The following DENR variants were observed in gnomAD, a reference collection of about 807,000 sequenced individuals.
DENR encodes density regulated re-initiation and release factor, also known as density-regulated protein.
DENR carries 6 observed loss-of-function variants against 30.6 expected under a neutral mutation model. That is an observed-to-expected ratio of 0.20 (90% CI 0.11 to 0.39). The LOEUF is 0.39. Ranked by LOEUF, DENR falls within the 10% of genes least tolerant of loss-of-function variation. DENR has a pLI of 1.00. For missense variants in DENR, 141 were observed against 230.9 expected, an observed-to-expected ratio of 0.61 and a Z score of 2.52; for synonymous variants, 78 against 72.1, an observed-to-expected ratio of 1.08 and a Z score of -0.41.
At chr12:122,753,851 T>G (rs373035127) in intron 2 of DENR, 44 bp downstream of exon 2, 3 of 1,420,116 alleles carry the variant, frequency 2.1e-6, no homozygotes, top group Non-Finnish European at 2.0e-6. Context: ...CACTATACTT[T>G]TATGCATTGT....
chr12:122,760,162 G>A (rs1273191280), intron 2 of DENR, among the ~76,000 whole-genome samples: 1 of 152,192 alleles, frequency 6.6e-6, no homozygotes, highest in Admixed American at 6.5e-5. Context: ...AATAGCATGA[G>A]CGTCAGAAAC....
In DENR at chr12:122,769,593, G is replaced by A. The variant is rs1227241508; in HGVS notation, c.*515G>A. The A allele has an allele frequency of 5.6e-6, 3 of 532,928 alleles. No homozygotes were observed. The highest frequency in any genetic ancestry group is 5.0e-6 in the Non-Finnish European group (2 of 403,766). The allele number at this position is 532,928 out of a possible 1,614,324, so 33.0% of individuals were successfully genotyped here. On this transcript the variant is annotated 3_prime_UTR_variant, in exon 8 of 8. Transcript: ENST00000280557. ...GCGATCTCGGCTCACTGCAACCTCCGCCTCCCGGGTTCAAGTGATTCTCCT... is the reference window on the plus strand; with the variant it reads ...GCGATCTCGGCTCACTGCAACCTCCACCTCCCGGGTTCAAGTGATTCTCCT...
chr12:122,761,992 A>G (rs1878712754), intron 2 of DENR, among the ~76,000 whole-genome samples, 195 bp from the exon 3 acceptor site: 1 of 152,212 alleles, frequency 6.6e-6, no homozygotes, highest in Non-Finnish European at 1.5e-5. Context: ...AAGTCAAGAT[A>G]GTATCATCTC....
At chr12:122,765,085 A>G (rs535664986) in intron 4 of DENR, among the ~76,000 whole-genome samples, 1 of 152,298 alleles carries the variant, frequency 6.6e-6, no homozygotes, top group East Asian at 1.9e-4. Context: ...TCACATATCA[A>G]AAGACTGGGT....
intron 6 of DENR, 50 bp from the exon 7 acceptor site, chr12:122,768,732 T>G: frequency 9.6e-6 from 14 of 1,460,954 alleles, no homozygotes; most frequent in Non-Finnish European, 1.3e-5. Flanking sequence ...AAAAACATCT[T>G]TGCACAATTC....
In DENR at chr12:122,753,814, G is replaced by A. The variant is rs551308733; in HGVS notation, c.106+7G>A. 22 of 1,604,752 alleles carry A rather than the reference G, an allele frequency of 1.4e-5. 1 individual carries two copies. In the South Asian group the frequency reaches 2.4e-4, roughly 18 times the overall value. On this transcript the variant is annotated splice_region_variant and intron_variant, in intron 2 of 7. Coordinates refer to ENST00000280557, the MANE Select transcript of DENR (RefSeq NM_003677.5). Reference sequence around the variant, plus strand: ...CGAGTCCTTTATTGTGGAGGCAAGTGTTGGTAGCCACAGAATGACTTTTAC... The same window carrying A: ...CGAGTCCTTTATTGTGGAGGCAAGTATTGGTAGCCACAGAATGACTTTTAC...
At chr12:122,753,545 T>C in intron 1 of DENR, 148 bp from the exon 2 acceptor site, 1 of 647,488 alleles carries the variant, frequency 1.5e-6, no homozygotes, top group Non-Finnish European at 2.8e-6. Flanking sequence ...ATTGCTCATA[T>C]TTTATGAATC....
intron 2 of DENR, 50 bp downstream of exon 2, chr12:122,753,857 A>G (rs1294658735): frequency 2.2e-6 from 3 of 1,380,530 alleles, no homozygotes; most frequent in Non-Finnish European, 3.1e-6. Flanking sequence ...ACTTTTATGC[A>G]TTGTAATAAC....
intron 2 of DENR, among the ~76,000 whole-genome samples, chr12:122,757,037 A>G (rs996902148): frequency 2.0e-5 from 3 of 152,322 alleles, no homozygotes; most frequent in African/African-American, 7.2e-5. Context: ...AACTGGATGT[A>G]GTTTTGACAG....
intron 2 of DENR, among the ~76,000 whole-genome samples, chr12:122,756,014 A>G (rs1228107185): frequency 6.6e-6 from 1 of 152,226 alleles, no homozygotes; most frequent in Non-Finnish European, 1.5e-5. Context: ...TCAACAATTT[A>G]CAAAGACTAT....
rs555332567 is a variant in DENR, at chr12:122,754,208, G to C, written c.106+401G>C. The stretch of plus-strand genomic sequence containing the variant: ...CTATGTAAGAAAAAGCTTGATGGCT[G>C]TCTGTGAAGAAGTGAGCAGCTTTGA... On this transcript the variant is annotated intron_variant, in intron 2 of 7. Coordinates refer to ENST00000280557, the MANE Select transcript of DENR (RefSeq NM_003677.5). 66 of 235,996 alleles carry C rather than the reference G, an allele frequency of 2.8e-4. No individual in the cohort carries two copies. In the South Asian group the frequency reaches 3.7e-3, roughly 13 times the overall value. 14.6% of individuals were successfully genotyped at this position (235,996 alleles called of 1,614,324 possible).
At chr12:122,766,164 T>C (rs1263929670) in intron 5 of DENR, among the ~76,000 whole-genome samples, 1 of 152,236 alleles carries the variant, frequency 6.6e-6, no homozygotes, top group African/African-American at 2.4e-5. Flanking sequence ...TTCTGTTCTG[T>C]GGTACACTGT....
chr12:122,765,431 A>T (rs1243189059), intron 5 of DENR, 44 bp downstream of exon 5: 1 of 1,466,378 alleles, frequency 6.8e-7, no homozygotes, highest in South Asian at 1.3e-5. Context: ...TCATACCGTC[A>T]CTGCGATAGA....
chr12:122,768,537 G>A (rs1878909352), intron 6 of DENR, among the ~76,000 whole-genome samples: 2 of 152,022 alleles, frequency 1.3e-5, no homozygotes, highest in Non-Finnish European at 2.9e-5. Flanking sequence ...ATTTATTTTG[G>A]TCTTAATATG....
Position 122,753,781 on chromosome 12 carries a change from A to C in DENR, c.80A>C (p.Tyr27Ser). The C allele has an allele frequency of 6.2e-7, 1 of 1,613,924 alleles. No individual in the cohort carries two copies. Among genetic ancestry groups the C allele is most frequent in the Non-Finnish European group, 8.5e-7 (1 of 1,179,854 alleles). Residue 27 changes from tyrosine to serine, a missense_variant, in exon 2 of 8, where the codon TAC becomes TCC. By Grantham distance (144) the Tyr-to-Ser change is moderately radical. Coordinates refer to ENST00000280557, the MANE Select transcript of DENR (RefSeq NM_003677.5). ...PRNSAKLDAD[Y>S]PLRVLYCGVC... ...AACAGTGCCAAGTTAGATGCCGATTACCCACTTCGAGTCCTTTATTGTGGA... is the reference window on the plus strand; with the variant it reads ...AACAGTGCCAAGTTAGATGCCGATTCCCCACTTCGAGTCCTTTATTGTGGA...
At chr12:122,761,108 G>T (rs140998414) in intron 2 of DENR, among the ~76,000 whole-genome samples, 33 of 152,092 alleles carry the variant, frequency 2.2e-4, no homozygotes, top group Admixed American at 1.5e-3. Flanking sequence ...GTGAGAGTGA[G>T]ACCCTTACTC....
chr12:122,754,133 C>T, intron 2 of DENR: 1 of 330,100 alleles, frequency 3.0e-6, no homozygotes, highest in Non-Finnish European at 5.9e-6. Context: ...TTAAGGATGG[C>T]AAGGACTGGA....
chr12:122,762,859 G>A lies in DENR; in HGVS notation c.141G>A (p.Met47Ile), dbSNP rs1262880952. The stretch of plus-strand genomic sequence containing the variant: ...TTTTCTCCTAGTACTGTGAATATAT[G>A]CCTGATGTTGCTAAATGTAGACAAT... ...CSLPTEYCEY[M>I]PDVAKCRQWL... is the part of the protein sequence containing the mutation. The change falls in exon 4 of 8, where the codon ATG becomes ATA. Residue 47 changes from methionine to isoleucine, a missense_variant. Around this residue, in one of 2 missense-constraint regions of DENR, gnomAD observed 104 missense variants for 138.3 expected, o/e 0.75. Transcript: ENST00000280557. 4.5e-6 allele frequency: 7 copies of A among 1,543,526 alleles called. 1 individual carries two copies. Among genetic ancestry groups the A allele is most frequent in the Middle Eastern group, 3.5e-4 (2 of 5,642 alleles).
chr12:122,765,255 A>G (rs1878817173), intron 4 of DENR, 49 bp from the exon 5 acceptor site: 1 of 1,431,668 alleles, frequency 7.0e-7, no homozygotes, highest in Non-Finnish European at 9.5e-7. Context: ...CTTTTTTTTT[A>G]ACAGTGTGAG....
Sources: gnomAD v4.1 joint callset for allele counts (sites outside exome capture counted in the v4.1 genomes callset) on GRCh38, gnomAD v4.1.1 for gene constraint, gnomAD v4.1.1 regional missense constraint, MANE v1.5 for transcripts, NCBI Gene and HGNC (gene_info 2026-07-23, HGNC 2026-07-21) for gene names.